LDB2: variants seen among roughly 807,000 people sequenced by gnomAD.
LDB2 encodes LIM domain binding 2, also known as LIM domain-binding protein 2.
In LDB2, 12 loss-of-function variants were observed where a neutral mutation model predicts 44.3. The observed-to-expected ratio is 0.27, with a 90% CI of 0.17 to 0.44. The LOEUF is 0.44. Among genes scored for constraint, LDB2 ranks in the 20% least tolerant of loss-of-function variants. The probability of loss-of-function intolerance (pLI) is 1.00; values close to 1 mark genes in which losing one functional copy is unlikely to be tolerated. For missense variants in LDB2, 344 were observed against 473.5 expected (o/e 0.73, Z 2.54); for synonymous variants, 164 against 174.8 (o/e 0.94, Z 0.49).
intron 2 of LDB2, among the ~76,000 whole-genome samples, chr4:16,663,663 A>G (rs1174729102): frequency 2.0e-5 from 3 of 152,354 alleles, no homozygotes; most frequent in East Asian, 1.9e-4. Context: ...CAGGGTAGCT[A>G]GTAAATAAAC....
intron 2 of LDB2, among the ~76,000 whole-genome samples, chr4:16,728,513 C>G (rs1760029532): frequency 6.6e-6 from 1 of 151,948 alleles, no homozygotes; most frequent in Non-Finnish European, 1.5e-5. Context: ...CCTAGGGAGG[C>G]AAAAAGGATT....
chr4:16,810,258 C>T lies in LDB2; in HGVS notation c.133-50998G>A, dbSNP rs28711549. Among the ~76,000 whole-genome samples, 526 of 152,304 alleles carry T rather than the reference C, an allele frequency of 3.5e-3. 3 individuals are homozygous for T. Among genetic ancestry groups the T allele is most frequent in the African/African-American group, 0.011 (470 of 41,568 alleles). ...ACACATGTACAGCAATATCCTTCAA[C>T]ATGACCCATCTCAAATGCATCTTCC... On this transcript the variant is annotated intron_variant, in intron 1 of 7. Transcript: ENST00000304523.
intron 7 of LDB2, chr4:16,506,600 C>T (rs1156966137): frequency 6.6e-6 from 1 of 152,246 alleles, no homozygotes; most frequent in South Asian, 2.1e-4. Context: ...CTTCTACAAC[C>T]ATGTCAGACA....
intron 1 of LDB2, among the ~76,000 whole-genome samples, chr4:16,847,203 C>T (rs188897885): frequency 8.1e-4 from 123 of 152,210 alleles, no homozygotes; most frequent in Middle Eastern, 6.8e-3. Flanking sequence ...CACTAGTAAG[C>T]CACAAAATAC....
At chr4:16,800,231 T>C (rs1199697453) in intron 1 of LDB2, among the ~76,000 whole-genome samples, 2 of 152,310 alleles carry the variant, frequency 1.3e-5, no homozygotes, top group East Asian at 3.9e-4. Context: ...CTCCACCATA[T>C]GTTGTCTTTG....
chr4:16,559,281 A>G (rs1380121134), intron 5 of LDB2, among the ~76,000 whole-genome samples: 1 of 152,254 alleles, frequency 6.6e-6, no homozygotes, highest in Non-Finnish European at 1.5e-5. Context: ...AATTGGATAA[A>G]GAGTCAAGAT....
intron 2 of LDB2, among the ~76,000 whole-genome samples, chr4:16,605,928 C>A (rs771230553): frequency 2.5e-4 from 38 of 152,120 alleles, no homozygotes; most frequent in Non-Finnish European, 3.7e-4. Flanking sequence ...GCAAAAAATA[C>A]CTTTCTATGG....
intron 1 of LDB2, among the ~76,000 whole-genome samples, chr4:16,785,525 C>T (rs562674335): frequency 6.6e-6 from 1 of 152,280 alleles, no homozygotes; most frequent in East Asian, 1.9e-4. Flanking sequence ...GGCAGCATCG[C>T]CTACCGTGGC....
In LDB2 at chr4:16,754,735, T is replaced by C. The variant is rs111705880; in HGVS notation, c.235+4423A>G. On this transcript the variant is annotated intron_variant, in intron 2 of 7. Coordinates refer to ENST00000304523, the MANE Select transcript of LDB2 (RefSeq NM_001290.5). ...TTAATAGAGACAGGGTTTCACCATA[T>C]TGGTCAGGCTGGTCTTGGACTCCTG... Among the ~76,000 whole-genome samples, 287 of 152,262 alleles carry C rather than the reference T, an allele frequency of 1.9e-3. 1 individual carries two copies. Among genetic ancestry groups the C allele is most frequent in the Non-Finnish European group, 2.3e-3 (158 of 68,020 alleles).
At chr4:16,791,701 C>T (rs886366916) in intron 1 of LDB2, among the ~76,000 whole-genome samples, 1 of 152,020 alleles carries the variant, frequency 6.6e-6, no homozygotes, top group Non-Finnish European at 1.5e-5. Context: ...GATAGCTAAT[C>T]AGGTAATTTG....
intron 2 of LDB2, among the ~76,000 whole-genome samples, chr4:16,652,508 C>T (rs1006539518): frequency 1.6e-4 from 24 of 152,136 alleles, no homozygotes; most frequent in Admixed American, 1.4e-3. Flanking sequence ...ATATTTAGCC[C>T]GTCCTGGTCC....
At chr4:16,853,533 A>G (rs1371612330) in intron 1 of LDB2, among the ~76,000 whole-genome samples, 2 of 152,316 alleles carry the variant, frequency 1.3e-5, no homozygotes, top group East Asian at 1.9e-4. Flanking sequence ...TAGTGGAAAT[A>G]TAGATTGGTA....
At chr4:16,546,733 G>A (rs899594617) in intron 5 of LDB2, among the ~76,000 whole-genome samples, 2 of 152,216 alleles carry the variant, frequency 1.3e-5, no homozygotes, top group Non-Finnish European at 2.9e-5. Context: ...ACACTTCTCA[G>A]TGGTATTTAA....
chr4:16,716,918 T>C (rs1218408795), intron 2 of LDB2, among the ~76,000 whole-genome samples: 2 of 152,068 alleles, frequency 1.3e-5, no homozygotes, highest in Non-Finnish European at 2.9e-5. Context: ...AGGCCATGAT[T>C]TAGTGGATAT....
At chr4:16,543,168 A>G (rs1462920773) in intron 5 of LDB2, among the ~76,000 whole-genome samples, 1 of 151,958 alleles carries the variant, frequency 6.6e-6, no homozygotes, top group Non-Finnish European at 1.5e-5. Context: ...AATCCAGTCT[A>G]TCATTGATGG....
intron 2 of LDB2, among the ~76,000 whole-genome samples, chr4:16,608,240 T>C (rs1724512339): frequency 6.8e-6 from 1 of 146,818 alleles, no homozygotes; most frequent in African/African-American, 2.5e-5. Flanking sequence ...ACTATTTGCA[T>C]GCCAGGTCAG....
intron 5 of LDB2, among the ~76,000 whole-genome samples, chr4:16,520,560 T>C (rs1053632562): frequency 6.6e-6 from 1 of 152,176 alleles, no homozygotes; most frequent in African/African-American, 2.4e-5. Context: ...GTGTTGCCTT[T>C]TCTCAGTCTG....
At chr4:16,884,478 A>G (rs1349156278) in intron 1 of LDB2, among the ~76,000 whole-genome samples, 2 of 151,974 alleles carry the variant, frequency 1.3e-5, no homozygotes, top group Non-Finnish European at 2.9e-5. Flanking sequence ...TAACACATAC[A>G]CCCCAGACCT....
At chr4:16,850,924 T>A (rs1315474805) in intron 1 of LDB2, among the ~76,000 whole-genome samples, 1 of 146,046 alleles carries the variant, frequency 6.8e-6, no homozygotes, top group Admixed American at 6.9e-5. Context: ...GGAGAAATGA[T>A]ATAGGTAATA....
Sources: gnomAD v4.1 joint callset for allele counts (sites outside exome capture counted in the v4.1 genomes callset) on GRCh38, gnomAD v4.1.1 for gene constraint, MANE v1.5 for transcripts, NCBI Gene and HGNC (gene_info 2026-07-23, HGNC 2026-07-21) for gene names.